Variants in TTN observed in about 807,000 individuals in gnomAD.
TTN encodes titin.
A neutral mutation model predicts 3,223.0 loss-of-function variants in TTN; 1,525 were observed. The observed-to-expected ratio is 0.47, with a 90% CI of 0.45 to 0.49. The LOEUF is 0.49. Ranked by LOEUF, TTN falls within the 20% of genes least tolerant of loss-of-function variation. The pLI is 0.00. For synonymous variants in TTN, 14,094 were observed against 15,161.0 expected (o/e 0.93, Z 5.17); for missense variants, 40,786 against 43,424.0 (o/e 0.94, Z 5.40).
chr2:178,624,450 A>G lies in TTN; in HGVS notation c.44815+15T>C, dbSNP rs1254956986. On this transcript the variant is annotated intron_variant, in intron 242 of 362. Transcript: ENST00000589042. ...GAATTGCAAATGAAAAGTCCTTTGT[A>G]AGAAGAATACTTACGCACGACATTC... The G allele has an allele frequency of 1.2e-6, 2 of 1,610,240 alleles. No individual in the cohort carries two copies. Among genetic ancestry groups the G allele is most frequent in the Non-Finnish European group, 1.7e-6 (2 of 1,178,482 alleles).
At position 178,563,704 on chromosome 2, in the gene TTN, A is replaced by C; in HGVS notation, c.82428T>G (p.Pro27476=). The change falls in exon 326 of 363, where the codon CCT becomes CCG. Residue 27476 remains proline, a synonymous_variant. Coordinates refer to ENST00000589042, the MANE Select transcript of TTN (RefSeq NM_001267550.2). The surrounding 1 kb of genome is among the most constrained non-coding windows in gnomAD (Gnocchi z 4.5). ...AATCTTTGGTGATTGCTGAGACTTC[A>C]GGTGTTGAGGGAGGACCTGGTGGCT... ...PYKPPGPPST[P]EVSAITKDSM... The C allele has an allele frequency of 1.9e-6, 3 of 1,613,668 alleles. No homozygotes were observed. Among genetic ancestry groups the C allele is most frequent in the Non-Finnish European group, 2.5e-6 (3 of 1,179,744 alleles).
At chr2:178,695,006 C>G in intron 115 of TTN, 100 bp from the exon 116 acceptor site, 1 of 831,626 alleles carries the variant, frequency 1.2e-6, no homozygotes, top group Admixed American at 2.9e-5. Flanking sequence ...TTATACACAC[C>G]TATAAGTGTA....
Position 178,591,064 on chromosome 2 carries a change from C to T in TTN, c.60661G>A (p.Val20221Ile), listed in dbSNP as rs2050102457. The T allele has an allele frequency of 6.2e-7, 1 of 1,613,356 alleles. No individual in the cohort carries two copies. Among genetic ancestry groups the T allele is most frequent in the Non-Finnish European group, 8.5e-7 (1 of 1,179,562 alleles). Residue 20221 changes from valine to isoleucine, a missense_variant, in exon 304 of 363, where the codon GTT becomes ATT. Physicochemically the swap from Val to Ile is conservative, Grantham distance 29 (BLOSUM62 3). Coordinates refer to ENST00000589042, the MANE Select transcript of TTN (RefSeq NM_001267550.2). ...GTCTTACTGCTTCCGGAAGAGACAACACCCCACGTGTCTTTCCTTGTATCT... is the reference window on the plus strand; with the variant it reads ...GTCTTACTGCTTCCGGAAGAGACAATACCCCACGTGTCTTTCCTTGTATCT... ...KQDTRKDTWG[V>I]VSSGSSKTKL...
chr2:178,667,402 C>A lies in TTN; in HGVS notation c.35713+40G>T, dbSNP rs749022669. Reference sequence around the variant, plus strand: ...AGCATGCAATGTTTGAGTCATAAAGCTAAAGATACTCATCTGGGTTTGATG... The same window carrying A: ...AGCATGCAATGTTTGAGTCATAAAGATAAAGATACTCATCTGGGTTTGATG... On this transcript the variant is annotated intron_variant, in intron 161 of 362. Transcript: ENST00000589042. 23 of 1,579,412 alleles carry A rather than the reference C, an allele frequency of 1.5e-5. 1 individual carries two copies. The South Asian group carries it at 2.6e-4, about 18-fold the overall frequency.
chr2:178,770,866 C>T (rs559802534), intron 34 of TTN, 191 bp from the exon 35 acceptor site: 1 of 857,900 alleles, frequency 1.2e-6, no homozygotes, highest in African/African-American at 1.6e-5. Context: ...TGGACATGTA[C>T]ATCGTGAAAT....
In TTN at chr2:178,533,665, T is replaced by C. The variant is rs745933614; in HGVS notation, c.102950A>G (p.Gln34317Arg). The change falls in exon 358 of 363, where the codon CAA (glutamine) becomes CGA (arginine). Residue 34317 changes from glutamine (Q) to arginine (R), a missense_variant. Physicochemically the swap from Gln to Arg is conservative, Grantham distance 43. Transcript: ENST00000589042. ...YTFESDKGLY[Q>R]LTINSVTTDD... ...TGTAGTGACACTGTTGATTGTTAAT[T>C]GGTAAAGACCCTTGTCTGACTCAAA... The C allele has an allele frequency of 6.2e-6, 10 of 1,613,988 alleles. No individual in the cohort carries two copies. In the East Asian group the frequency reaches 2.0e-4, roughly 32 times the overall value.
At chr2:178,694,370 C>A in intron 117 of TTN, 1 of 451,630 alleles carries the variant, frequency 2.2e-6, no homozygotes, top group Non-Finnish European at 3.9e-6. Context: ...AAACACAAAC[C>A]TTCTTTATAA....
chr2:178,767,875 T>C lies in TTN; in HGVS notation c.9355A>G (p.Thr3119Ala). The change falls in exon 40 of 363, where the codon ACC becomes GCC. Residue 3119 changes from threonine to alanine, a missense_variant. Coordinates refer to ENST00000589042, the MANE Select transcript of TTN (RefSeq NM_001267550.2). Reference protein sequence around the residue: ...KYVHRLLIPSTRMSDAGKYTV... With the variant: ...KYVHRLLIPSARMSDAGKYTV... ...TACTTCCCAGCATCAGACATCCGGG[T>C]GGATGGGATCAGAAGGCGGTGGACA... 1 of 1,614,030 alleles carries C rather than the reference T, an allele frequency of 6.2e-7. No individual in the cohort carries two copies. The highest frequency in any genetic ancestry group is 1.1e-5 in the South Asian group (1 of 91,072).
At position 178,601,285 on chromosome 2, in the gene TTN, G is replaced by A; in HGVS notation, c.55712C>T (p.Thr18571Ile). Residue 18571 changes from threonine to isoleucine, a missense_variant, in exon 287 of 363, where the codon ACC becomes ATC. Coordinates refer to ENST00000589042, the MANE Select transcript of TTN (RefSeq NM_001267550.2). ...CTTACATATCGGATCTCTGGCAGTG[G>A]TCCTCTGAATGGTTTCCACAGGTGG... ...IGPPVETIQRTTARDPIYPPD... is the reference protein window; with the variant it reads ...IGPPVETIQRITARDPIYPPD... 1.9e-6 allele frequency: 3 copies of A among 1,558,726 alleles called. No individual in the cohort carries two copies. The highest frequency in any genetic ancestry group is 2.6e-6 in the Non-Finnish European group (3 of 1,155,642).
In TTN at chr2:178,799,729, C is replaced by A; in HGVS notation, c.672G>T (p.Lys224Asn). 1 of 1,614,146 alleles carries A rather than the reference C, an allele frequency of 6.2e-7. No homozygotes were observed. Among genetic ancestry groups the A allele is most frequent in the Non-Finnish European group, 8.5e-7 (1 of 1,180,010 alleles). Residue 224 changes from lysine to asparagine, a missense_variant and splice_region_variant, in exon 6 of 363, where the codon AAG becomes AAT. Coordinates refer to ENST00000589042, the MANE Select transcript of TTN (RefSeq NM_001267550.2). ...SESRQTRIEK[K>N]IEAHFDARSI... ...ATCTGGCATCAAAGTGGGCTTCAATCTTCTGTAAAAGATTAAAACAAAGCC... is the reference window on the plus strand; with the variant it reads ...ATCTGGCATCAAAGTGGGCTTCAATATTCTGTAAAAGATTAAAACAAAGCC...
At chr2:178,642,417 TA>T (rs1455970723) in intron 218 of TTN, 100 bp from the exon 219 acceptor site, 7 of 987,398 alleles carry the variant, frequency 7.1e-6, no homozygotes, top group Non-Finnish European at 1.0e-5. Context: ...TGTAGTGCAT[TA>T]AGTAACAATT....
Position 178,605,582 on chromosome 2 carries a change from C to G in TTN, c.53713G>C (p.Asp17905His), listed in dbSNP as rs2054587701. 1 of 1,602,514 alleles carries G rather than the reference C, an allele frequency of 6.2e-7. No homozygotes were observed. The change falls in exon 279 of 363, where the codon GAC becomes CAC. Residue 17905 changes from aspartate (D) to histidine (H), a missense_variant. Asp to His is a moderately conservative substitution (Grantham distance 81). Coordinates refer to ENST00000589042, the MANE Select transcript of TTN (RefSeq NM_001267550.2). ...QGYIIEKRRH[D>H]KPDFERVNKR... Reference sequence around the variant, plus strand: ...TTAACTCTTTCAAAGTCAGGTTTGTCATGACGCCGTTTTTCAATGATATAT... The same window carrying G: ...TTAACTCTTTCAAAGTCAGGTTTGTGATGACGCCGTTTTTCAATGATATAT...
In TTN at chr2:178,748,556, A is replaced by G. The variant is rs1255574655; in HGVS notation, c.11311+4568T>C. The G allele has an allele frequency of 3.1e-6, 5 of 1,613,080 alleles. No homozygotes were observed. In the South Asian group the frequency reaches 5.5e-5, roughly 18 times the overall value. Reference sequence around the variant, plus strand: ...AGAATACATTTGTTTTAGATCAAATACAATGTTCTCAGTGTCAGCAGGATG... The same window carrying G: ...AGAATACATTTGTTTTAGATCAAATGCAATGTTCTCAGTGTCAGCAGGATG... On this transcript the variant is annotated intron_variant, in intron 47 of 362. Coordinates refer to ENST00000589042, the MANE Select transcript of TTN (RefSeq NM_001267550.2).
Position 178,698,913 on chromosome 2 carries a change from A to T in TTN, c.30684T>A (p.Val10228=). The change falls in exon 112 of 363, where the codon GTT becomes GTA. Residue 10228 remains valine, a splice_region_variant and synonymous_variant. Coordinates refer to ENST00000589042, the MANE Select transcript of TTN (RefSeq NM_001267550.2). ...EKKPPPKRIE[V]TKKAVKKDAK... ...CATCTTTCTTCACAGCCTTTTTGGT[A>T]ACTAAAAAAAAAAAAAAAGAAAAAA... 1 of 1,499,048 alleles carries T rather than the reference A, an allele frequency of 6.7e-7. No homozygotes were observed. Among genetic ancestry groups the T allele is most frequent in the Non-Finnish European group, 8.8e-7 (1 of 1,132,720 alleles). 92.9% of individuals were successfully genotyped at this position (1,499,048 alleles called of 1,614,324 possible).
At chr2:178,599,519 A>G (rs750163445) in intron 289 of TTN, 35 bp downstream of exon 289, 42 of 1,520,608 alleles carry the variant, frequency 2.8e-5, no homozygotes, top group Non-Finnish European at 3.6e-5. Flanking sequence ...TGAACAGAAA[A>G]ACAAGTAATT....
At chr2:178,675,583 G>T in intron 149 of TTN, 88 bp downstream of exon 149, 1 of 1,010,424 alleles carries the variant, frequency 9.9e-7, no homozygotes, top group Non-Finnish European at 1.3e-6. Context: ...ACCATACAAT[G>T]CACACATTTA....
Position 178,720,075 on chromosome 2 carries a change from C to G in TTN, c.23567G>C (p.Gly7856Ala). Residue 7856 changes from glycine to alanine, a missense_variant, in exon 81 of 363, where the codon GGG becomes GCG. Transcript: ENST00000589042. ...FIDNIATLQL[G>A]SPEASNSGKY... ...TCCAGAATTAGATGCTTCTGGACTC[C>G]CCAGCTGGAGGGTTGCAATGTTATC... The G allele has an allele frequency of 6.2e-7, 1 of 1,613,620 alleles. No individual in the cohort carries two copies. Among genetic ancestry groups the G allele is most frequent in the Non-Finnish European group, 8.5e-7 (1 of 1,179,690 alleles).
chr2:178,636,882 C>T lies in TTN; in HGVS notation c.40928-83G>A. 6.9e-7 allele frequency: 1 copy of T among 1,443,412 alleles called. No homozygotes were observed. Among genetic ancestry groups the T allele is most frequent in the Non-Finnish European group, 9.2e-7 (1 of 1,088,626 alleles). The allele number at this position is 1,443,412 out of a possible 1,614,324, so 89.4% of individuals were successfully genotyped here. Reference sequence around the variant, plus strand: ...ATACTTGGCTGCCTGCTGGATAAAACCAGCCGTAAAGCAATTAGAAGACGA... The same window carrying T: ...ATACTTGGCTGCCTGCTGGATAAAATCAGCCGTAAAGCAATTAGAAGACGA... On this transcript the variant is annotated intron_variant, in intron 224 of 362. Transcript: ENST00000589042. The surrounding 1 kb of genome is among the most constrained non-coding windows in gnomAD (Gnocchi z 4.3).
chr2:178,696,962 C>A (rs989593392), intron 113 of TTN, among the ~76,000 whole-genome samples, 159 bp downstream of exon 113: 17 of 151,970 alleles, frequency 1.1e-4, no homozygotes, highest in Non-Finnish European at 2.2e-4. Flanking sequence ...GGGAAAGGGG[C>A]AATATGAAAT....
Sources: allele counts gnomAD v4.1 joint callset (sites outside exome capture counted in the v4.1 genomes callset), GRCh38; gene constraint gnomAD v4.1.1; non-coding constraint Gnocchi (gnomAD v3.1); transcripts MANE v1.5; gene names NCBI Gene and HGNC (gene_info 2026-07-23, HGNC 2026-07-21).